ANGPT1: variants seen among roughly 807,000 people sequenced by gnomAD.
The protein encoded by ANGPT1 is angiopoietin 1, also known as angiopoietin-1.
Under a neutral mutation model 62.2 loss-of-function variants are expected in ANGPT1, and 17 were observed. The observed-to-expected ratio is 0.27, with a 90% CI of 0.19 to 0.41. The LOEUF (loss-of-function observed/expected upper bound fraction) is 0.41. Ranked by LOEUF, ANGPT1 falls within the 10% of genes least tolerant of loss-of-function variation. ANGPT1 has a pLI of 1.00. For missense variants in ANGPT1, 478 were observed against 594.9 expected (o/e 0.80, Z 2.04); for synonymous variants, 199 against 198.9 (o/e 1.00, Z 0.00).
chr8:107,314,257 C>T (rs1814955898), intron 4 of ANGPT1, among the ~76,000 whole-genome samples: 1 of 152,246 alleles, frequency 6.6e-6, no homozygotes, highest in Admixed American at 6.5e-5. Flanking sequence ...TGGCCTTTTA[C>T]CCCTGTAACT....
intron 1 of ANGPT1, among the ~76,000 whole-genome samples, chr8:107,362,806 A>G (rs1268490464): frequency 1.3e-5 from 2 of 152,194 alleles, no homozygotes; most frequent in African/African-American, 2.4e-5. Context: ...TAAAAAAGGA[A>G]GAGTCAGAGA....
intron 7 of ANGPT1, among the ~76,000 whole-genome samples, chr8:107,266,298 A>G (rs895523623): frequency 6.6e-6 from 1 of 152,162 alleles, no homozygotes; most frequent in Non-Finnish European, 1.5e-5. Context: ...TTTCAATTCA[A>G]TCACTTCTTT....
intron 2 of ANGPT1, among the ~76,000 whole-genome samples, chr8:107,345,003 C>G (rs927103845): frequency 2.0e-5 from 3 of 152,116 alleles, no homozygotes; most frequent in Admixed American, 2.0e-4. Flanking sequence ...TTACATATAA[C>G]AGGTTCGAAG....
chr8:107,464,176 T>C (rs535924309), intron 1 of ANGPT1, among the ~76,000 whole-genome samples: 1 of 152,196 alleles, frequency 6.6e-6, no homozygotes, highest in South Asian at 2.1e-4. Context: ...ATCTCCAAAA[T>C]GAAGATGATA....
At chr8:107,258,722 T>G (rs550818731) in intron 8 of ANGPT1, among the ~76,000 whole-genome samples, 1 of 152,282 alleles carries the variant, frequency 6.6e-6, no homozygotes, top group Non-Finnish European at 1.5e-5. Flanking sequence ...TTTTTATAAT[T>G]CTGCAGTTCA....
chr8:107,283,992 T>A (rs1464807294), intron 7 of ANGPT1: 1 of 152,152 alleles, frequency 6.6e-6, no homozygotes, highest in Non-Finnish European at 1.5e-5. Context: ...ATCCACCACA[T>A]CACATTATTT....
chr8:107,308,725 A>G (rs1296174189), intron 4 of ANGPT1, among the ~76,000 whole-genome samples: 1 of 152,176 alleles, frequency 6.6e-6, no homozygotes, highest in African/African-American at 2.4e-5. Context: ...GGAAGGAATC[A>G]TTATTCATTC....
chr8:107,394,196 C>T (rs1050846226), intron 1 of ANGPT1, among the ~76,000 whole-genome samples: 2 of 152,106 alleles, frequency 1.3e-5, no homozygotes, highest in African/African-American at 2.4e-5. Flanking sequence ...CTTGAAGAAA[C>T]TGAGATTGTT....
intron 5 of ANGPT1, among the ~76,000 whole-genome samples, chr8:107,299,311 T>C (rs1384494114): frequency 6.7e-6 from 1 of 149,132 alleles, no homozygotes; most frequent in Non-Finnish European, 1.5e-5. Context: ...AGAATTTGTA[T>C]GGGGCAGGTT....
intron 7 of ANGPT1, among the ~76,000 whole-genome samples, chr8:107,279,877 A>G (rs1417034480): frequency 6.6e-6 from 1 of 152,128 alleles, no homozygotes; most frequent in East Asian, 1.9e-4. Context: ...GCTACGGGTC[A>G]ATGGGAGCAC....
rs1255386788 is a variant in ANGPT1 at position 107,251,201 on chromosome 8, AT to A, written c.*653del. On this transcript the variant is annotated 3_prime_UTR_variant, in exon 9 of 9. Coordinates refer to ENST00000517746, the MANE Select transcript of ANGPT1 (RefSeq NM_001146.5). ...TGGAGTTTGTTTCTACCACACACTT[AT>A]TGTCCATGTACTACAGTTCATTATG... 1 of 152,094 alleles carries A rather than the reference AT, an allele frequency of 6.6e-6. No homozygotes were observed. The highest frequency in any genetic ancestry group is 1.5e-5 in the Non-Finnish European group (1 of 68,014). 9.4% of individuals were successfully genotyped at this position (152,094 alleles called of 1,614,324 possible).
chr8:107,408,327 T>A (rs1186702921), intron 1 of ANGPT1, among the ~76,000 whole-genome samples: 1 of 152,214 alleles, frequency 6.6e-6, no homozygotes, highest in Non-Finnish European at 1.5e-5. Flanking sequence ...TCAAGAAGGC[T>A]CTTTGGTTAT....
intron 1 of ANGPT1, 81 bp from the exon 2 acceptor site, chr8:107,347,178 A>G: frequency 1.4e-6 from 2 of 1,401,802 alleles, no homozygotes; most frequent in South Asian, 2.8e-5. Context: ...CAATAACAAA[A>G]CAAGACACCG....
rs144751395 is a variant in ANGPT1, at chr8:107,303,252, T to C, written c.924A>G (p.Pro308=). 25 of 1,610,078 alleles carry C rather than the reference T, an allele frequency of 1.6e-5. No homozygotes were observed. In the East Asian group the frequency reaches 5.6e-4, roughly 36 times the overall value. ...GIYTIYINNM[P]EPKKVFCNMD... ...CTTCTGGTTTTACCTTTTTGGGTTC[T>C]GGCATATTATTAATATAAATAGTGT... The change falls in exon 5 of 9, where the codon CCA becomes CCG. Residue 308 remains proline (P), a synonymous_variant. Transcript: ENST00000517746.
intron 1 of ANGPT1, among the ~76,000 whole-genome samples, chr8:107,392,212 G>A (rs1428012456): frequency 1.3e-5 from 2 of 151,902 alleles, no homozygotes; most frequent in Non-Finnish European, 2.9e-5. Context: ...ATGAATACTG[G>A]CATTTTTATT....
chr8:107,441,437 G>A (rs1811472033), intron 1 of ANGPT1, among the ~76,000 whole-genome samples: 1 of 152,096 alleles, frequency 6.6e-6, no homozygotes, highest in Non-Finnish European at 1.5e-5. Context: ...TCCTCCTTCT[G>A]AATTGCACTA....
chr8:107,478,369 G>A (rs926190066), intron 1 of ANGPT1, among the ~76,000 whole-genome samples: 4 of 151,738 alleles, frequency 2.6e-5, no homozygotes, highest in Non-Finnish European at 5.9e-5. Context: ...GCTAACATGG[G>A]AAAACCCCAC....
chr8:107,404,098 G>A (rs548441719), intron 1 of ANGPT1, among the ~76,000 whole-genome samples: 20 of 151,896 alleles, frequency 1.3e-4, no homozygotes, highest in South Asian at 1.2e-3. Flanking sequence ...GCTTCGTGCC[G>A]GCCACAAAAA....
intron 1 of ANGPT1, among the ~76,000 whole-genome samples, chr8:107,473,620 T>C (rs764002196): frequency 6.6e-6 from 1 of 152,116 alleles, no homozygotes; most frequent in Admixed American, 6.6e-5. Context: ...TTCAGTAGGA[T>C]TCACTCAATT....
Sources: gnomAD v4.1 joint callset for allele counts (sites outside exome capture counted in the v4.1 genomes callset) on GRCh38, gnomAD v4.1.1 for gene constraint, MANE v1.5 for transcripts, NCBI Gene and HGNC (gene_info 2026-07-23, HGNC 2026-07-21) for gene names.